CELF2: variants seen among roughly 807,000 people sequenced by gnomAD.
CELF2 encodes the protein CUGBP Elav-like family member 2, also known as CUG triplet repeat RNA-binding protein 2.
In CELF2, 8 loss-of-function variants were observed where a neutral mutation model predicts 62.6. That is an observed-to-expected ratio of 0.13 (90% confidence interval 0.07 to 0.23). The LOEUF (loss-of-function observed/expected upper bound fraction) is 0.23, where lower values mean the gene tolerates loss of function less well. Among genes scored for constraint, CELF2 ranks in the 10% least tolerant of loss-of-function variants. CELF2 has a pLI of 1.00. For synonymous variants in CELF2, 258 were observed against 250.0 expected (o/e 1.03, Z -0.30); for missense variants, 333 against 671.0 (o/e 0.50, Z 5.56).
intron 2 of CELF2, among the ~76,000 whole-genome samples, chr10:11,171,909 G>T (rs1309517098): frequency 1.3e-5 from 2 of 152,176 alleles, no homozygotes; most frequent in Non-Finnish European, 2.9e-5. Context: ...ACTGGAGTGG[G>T]GAGGGTCATT....
At chr10:11,082,062 G>A (rs2074170527) in intron 1 of CELF2, among the ~76,000 whole-genome samples, 1 of 152,088 alleles carries the variant, frequency 6.6e-6, no homozygotes, top group Admixed American at 6.5e-5. Context: ...TATGGCCTGG[G>A]GCTGGGGCTG....
intron 1 of CELF2, among the ~76,000 whole-genome samples, chr10:10,818,710 A>G (rs2056708398): frequency 6.6e-6 from 1 of 151,978 alleles, no homozygotes; most frequent in Non-Finnish European, 1.5e-5. Flanking sequence ...TCATGGGGTT[A>G]TGCCATGGGA....
chr10:10,825,353 G>A (rs1284115230), intron 1 of CELF2, among the ~76,000 whole-genome samples: 1 of 152,154 alleles, frequency 6.6e-6, no homozygotes, highest in Admixed American at 6.5e-5. Flanking sequence ...GGCACTACAG[G>A]CGCCCGCCAC....
chr10:11,160,168 C>G (rs2065379432), intron 1 of CELF2, among the ~76,000 whole-genome samples: 1 of 152,234 alleles, frequency 6.6e-6, no homozygotes, highest in Non-Finnish European at 1.5e-5. Context: ...TGGGTCCAGA[C>G]CATAGCCATA....
At chr10:10,688,725 T>G in the CELF2 span, among the ~76,000 whole-genome samples, 16 of 152,214 alleles carry the variant, frequency 1.1e-4, no homozygotes, top group Non-Finnish European at 1.9e-4. Flanking sequence ...AGTTTTTTTT[T>G]GGCTGGGCTC....
At chr10:10,877,016 G>A (rs1473588197) in intron 1 of CELF2, among the ~76,000 whole-genome samples, 1 of 152,176 alleles carries the variant, frequency 6.6e-6, no homozygotes, top group Non-Finnish European at 1.5e-5. Flanking sequence ...CTAGAGTACT[G>A]GCAGTGTTAG....
At chr10:11,143,055 G>T (rs2061642372) in intron 1 of CELF2, among the ~76,000 whole-genome samples, 3 of 142,320 alleles carry the variant, frequency 2.1e-5, no homozygotes. Context: ...CCACTGGGGG[G>T]ACTCACTCCC....
chr10:10,465,568 T>C, the CELF2 span, among the ~76,000 whole-genome samples: 2 of 152,124 alleles, frequency 1.3e-5, no homozygotes, highest in Non-Finnish European at 2.9e-5. Context: ...TTGTGTGTTT[T>C]TACTGTAAAA....
At chr10:11,137,484 A>G (rs12245422) in intron 1 of CELF2, among the ~76,000 whole-genome samples, 22,851 of 152,206 alleles carry the variant, frequency 0.15, 1,991 homozygotes, top group African/African-American at 0.24. Flanking sequence ...TACTCTGACT[A>G]TATTGTGTGG....
chr10:10,918,504 T>A (rs1413076987), intron 1 of CELF2, among the ~76,000 whole-genome samples: 1 of 152,242 alleles, frequency 6.6e-6, no homozygotes, highest in African/African-American at 2.4e-5. Flanking sequence ...TAAGGAAGTA[T>A]GGCTCTGTTG....
At chr10:10,915,353 G>A (rs1449815101) in intron 1 of CELF2, among the ~76,000 whole-genome samples, 3 of 152,136 alleles carry the variant, frequency 2.0e-5, no homozygotes, top group East Asian at 3.9e-4. Context: ...TGTGTGCCAG[G>A]CACTGAGTAT....
At chr10:11,009,782 C>A (rs144815595) in intron 1 of CELF2, among the ~76,000 whole-genome samples, 54 of 152,292 alleles carry the variant, frequency 3.5e-4, no homozygotes, top group Non-Finnish European at 5.0e-4. Context: ...AATTTCCCTG[C>A]AAGACTATTT....
intron 7 of CELF2, among the ~76,000 whole-genome samples, chr10:11,271,105 C>A (rs1052405957): frequency 1.1e-4 from 17 of 152,232 alleles, no homozygotes; most frequent in African/African-American, 4.1e-4. Flanking sequence ...AGACATGCAG[C>A]TGATGATGTA....
At chr10:10,778,862 G>A in the CELF2 span, among the ~76,000 whole-genome samples, 1 of 152,296 alleles carries the variant, frequency 6.6e-6, no homozygotes, top group African/African-American at 2.4e-5. Context: ...ATTAAAATTT[G>A]TGCTGGGAGT....
chr10:10,577,219 C>T, the CELF2 span, among the ~76,000 whole-genome samples: 1 of 152,088 alleles, frequency 6.6e-6, no homozygotes. Flanking sequence ...TTGACAGAGC[C>T]TGCATGGCAA....
the CELF2 span, among the ~76,000 whole-genome samples, chr10:10,628,887 C>T: frequency 1.6e-4 from 24 of 152,044 alleles, no homozygotes; most frequent in African/African-American, 4.1e-4. Context: ...TTTATCAGGC[C>T]GCCTTCCCAT....
the CELF2 span, among the ~76,000 whole-genome samples, chr10:10,729,860 G>A: frequency 1.3e-5 from 2 of 152,178 alleles, no homozygotes; most frequent in African/African-American, 4.8e-5. Context: ...TCGATGATAT[G>A]CTTATTACTC....
chr10:10,843,809 T>C (rs912449596), intron 1 of CELF2, among the ~76,000 whole-genome samples: 2 of 152,008 alleles, frequency 1.3e-5, no homozygotes, highest in Non-Finnish European at 2.9e-5. Flanking sequence ...CAACACTGAA[T>C]AGGTTCTGAA....
At chr10:11,172,736 A>G (rs2069354147) in intron 2 of CELF2, among the ~76,000 whole-genome samples, 2 of 152,226 alleles carry the variant, frequency 1.3e-5, no homozygotes, top group Non-Finnish European at 2.9e-5. Context: ...GAGCGAGCTA[A>G]TATCAAAGAA....
Sources: gnomAD v4.1 joint callset for allele counts (sites outside exome capture counted in the v4.1 genomes callset) on GRCh38, gnomAD v4.1.1 for gene constraint, MANE v1.5 for transcripts, NCBI Gene and HGNC (gene_info 2026-07-23, HGNC 2026-07-21) for gene names.